MAML2: variants seen among roughly 807,000 people sequenced by gnomAD.
MAML2 encodes the protein mastermind like transcriptional coactivator 2, also known as mastermind-like protein 2.
A neutral mutation model predicts 96.1 loss-of-function variants in MAML2; 22 were observed. That is an observed-to-expected ratio of 0.23 (90% confidence interval 0.16 to 0.33). MAML2 has a LOEUF of 0.33. MAML2 is among the 10% of genes least tolerant of loss of function. The pLI is 1.00. For missense variants in MAML2, 1,367 were observed against 1,392.4 expected, an observed-to-expected ratio of 0.98 and a Z score of 0.29; for synonymous variants, 561 against 521.3, an observed-to-expected ratio of 1.08 and a Z score of -1.04.
chr11:96,166,941 T>A (rs1861204495), intron 1 of MAML2, among the ~76,000 whole-genome samples: 1 of 152,208 alleles, frequency 6.6e-6, no homozygotes, highest in Non-Finnish European at 1.5e-5. Context: ...TCCTGAGGGA[T>A]GTTCTCTGCT....
rs533641143 is a variant in MAML2, at chr11:96,044,425, A to G, written c.2139+47467T>C. Reference sequence around the variant, plus strand: ...GCACAAATTCAACCATTCTTTGGGTATAAAATTCCCCCCATTCTCTCCCTT... The same window carrying G: ...GCACAAATTCAACCATTCTTTGGGTGTAAAATTCCCCCCATTCTCTCCCTT... On this transcript the variant is annotated intron_variant, in intron 2 of 4. Coordinates refer to ENST00000524717, the MANE Select transcript of MAML2 (RefSeq NM_032427.4). Among the ~76,000 whole-genome samples the G allele has an allele frequency of 9.2e-4, 140 of 152,306 alleles. 1 individual carries two copies. The highest frequency in any genetic ancestry group is 2.9e-3 in the African/African-American group (122 of 41,562).
chr11:96,124,046 G>GGCAACGA (rs928331788), intron 1 of MAML2, among the ~76,000 whole-genome samples: 18 of 148,862 alleles, frequency 1.2e-4, no homozygotes, highest in Non-Finnish European at 2.2e-4. Flanking sequence ...CTCCAGCCTG[G>GGCAACGA]GCAACGAGCA....
chr11:96,156,468 A>G lies in MAML2; in HGVS notation c.514-62951T>C, dbSNP rs1861013346. Among the ~76,000 whole-genome samples, 3 of 152,226 alleles carry G rather than the reference A, an allele frequency of 2.0e-5. No individual in the cohort carries two copies. The South Asian group carries it at 6.2e-4, about 32-fold the overall frequency. ...TCATTGTTGGGATGGCTGCCCCTGG[A>G]TAGCACCCGTTTACTGCCCTCCAAC... On this transcript the variant is annotated intron_variant, in intron 1 of 4. Transcript: ENST00000524717.
At chr11:96,158,444 G>C (rs1384301794) in intron 1 of MAML2, among the ~76,000 whole-genome samples, 1 of 152,176 alleles carries the variant, frequency 6.6e-6, no homozygotes, top group Non-Finnish European at 1.5e-5. Context: ...GGCCTTCAAA[G>C]GGCAGCTCAT....
chr11:96,049,079 A>G (rs1214319564), intron 2 of MAML2, among the ~76,000 whole-genome samples: 1 of 152,192 alleles, frequency 6.6e-6, no homozygotes, highest in Non-Finnish European at 1.5e-5. Flanking sequence ...ATAGAATTCT[A>G]TTGATTTGGA....
chr11:96,307,780 T>C (rs1401934621), intron 1 of MAML2, among the ~76,000 whole-genome samples: 1 of 152,158 alleles, frequency 6.6e-6, no homozygotes, highest in Non-Finnish European at 1.5e-5. Context: ...TCTCTTCTCA[T>C]AAAAAGTGTC....
At chr11:96,146,741 A>C (rs540272109) in intron 1 of MAML2, among the ~76,000 whole-genome samples, 14 of 152,216 alleles carry the variant, frequency 9.2e-5, no homozygotes, top group Admixed American at 2.0e-4. Context: ...GTGTCATCCA[A>C]ACTTGAGGAT....
chr11:96,130,821 G>A (rs932950807), intron 1 of MAML2, among the ~76,000 whole-genome samples: 4 of 150,776 alleles, frequency 2.7e-5, no homozygotes, highest in African/African-American at 9.8e-5. Context: ...TTAAAAAATG[G>A]AACTAAAATA....
intron 1 of MAML2, among the ~76,000 whole-genome samples, chr11:96,182,111 G>C (rs1861495549): frequency 6.6e-6 from 1 of 152,170 alleles, no homozygotes; most frequent in Non-Finnish European, 1.5e-5. Context: ...GAAGTTTCTT[G>C]TGTGATTCTC....
chr11:96,100,748 C>CT (rs529252464), intron 1 of MAML2, among the ~76,000 whole-genome samples: 84 of 109,276 alleles, frequency 7.7e-4, no homozygotes, highest in African/African-American at 1.0e-3. Flanking sequence ...TTTTTTTTTT[C>CT]TTTTTTTTTT....
chr11:96,106,580 T>G (rs1000140351), intron 1 of MAML2, among the ~76,000 whole-genome samples: 1 of 152,208 alleles, frequency 6.6e-6, no homozygotes, highest in Non-Finnish European at 1.5e-5. Context: ...GACCTCATTC[T>G]GTATCATTCC....
At chr11:96,086,954 A>G (rs567036349) in intron 2 of MAML2, among the ~76,000 whole-genome samples, 2 of 152,326 alleles carry the variant, frequency 1.3e-5, no homozygotes, top group East Asian at 3.9e-4. Flanking sequence ...AACATATATC[A>G]TAAAGAAGGC....
rs1453517044 is a variant in MAML2, at chr11:95,979,056, G to C, written c.3363C>G (p.Ala1121=). 5.0e-6 allele frequency: 8 copies of C among 1,613,932 alleles called. No individual in the cohort carries two copies. Among genetic ancestry groups the C allele is most frequent in the Non-Finnish European group, 6.8e-6 (8 of 1,179,886 alleles). Residue 1121 remains alanine, a synonymous_variant, in exon 5 of 5, where the codon GCC becomes GCG. Transcript: ENST00000524717. ...LSQQNDNMGP[A]LNSDADFIDS... is the part of the protein sequence containing the mutation. ...CAATGAAATCAGCATCACTGTTTAG[G>C]GCAGGGCCCATGTTATCATTTTGTT...
chr11:96,139,843 T>C (rs1860703713), intron 1 of MAML2, among the ~76,000 whole-genome samples: 1 of 152,104 alleles, frequency 6.6e-6, no homozygotes, highest in Non-Finnish European at 1.5e-5. Flanking sequence ...CTTTGAAATT[T>C]CCGTCTCTGT....
intron 1 of MAML2, among the ~76,000 whole-genome samples, chr11:96,177,307 G>A (rs1430932536): frequency 2.0e-5 from 3 of 152,242 alleles, no homozygotes; most frequent in Admixed American, 1.3e-4. Flanking sequence ...GAATGTGACT[G>A]TCAATTTTCA....
intron 1 of MAML2, among the ~76,000 whole-genome samples, chr11:96,320,678 T>C (rs1442610714): frequency 6.6e-6 from 1 of 151,942 alleles, no homozygotes; most frequent in Non-Finnish European, 1.5e-5. Context: ...GGAATAGGAG[T>C]TTGTGAGGTA....
intron 1 of MAML2, among the ~76,000 whole-genome samples, chr11:96,196,755 A>T (rs1338704825): frequency 1.3e-5 from 2 of 151,950 alleles, no homozygotes; most frequent in Non-Finnish European, 2.9e-5. Context: ...AATTAAATGT[A>T]TTTTATTCTC....
intron 1 of MAML2, among the ~76,000 whole-genome samples, chr11:96,328,943 T>C (rs1375401326): frequency 3.3e-5 from 5 of 152,184 alleles, no homozygotes; most frequent in Non-Finnish European, 7.3e-5. Context: ...GTGACACATA[T>C]AAAATCCCAT....
intron 2 of MAML2, among the ~76,000 whole-genome samples, chr11:96,074,779 T>A (rs555428257): frequency 1.3e-5 from 2 of 152,178 alleles, no homozygotes; most frequent in Admixed American, 1.3e-4. Flanking sequence ...AGATTTCGAG[T>A]TATCTTTCTA....
Sources: gnomAD v4.1 joint callset for allele counts (sites outside exome capture counted in the v4.1 genomes callset) on GRCh38, gnomAD v4.1.1 for gene constraint, MANE v1.5 for transcripts, NCBI Gene and HGNC (gene_info 2026-07-23, HGNC 2026-07-21) for gene names.